The following EIF4B variants were observed in gnomAD, a reference collection of about 807,000 sequenced individuals.
EIF4B encodes eukaryotic translation initiation factor 4B.
In EIF4B, 8 loss-of-function variants were observed where a neutral mutation model predicts 79.3. The ratio of observed to expected loss-of-function variants is 0.10; its 90% CI spans 0.06 to 0.18. The LOEUF is 0.18. Among genes scored for constraint, EIF4B ranks in the 10% least tolerant of loss-of-function variants. EIF4B has a pLI of 1.00. For synonymous variants in EIF4B, 238 were observed against 274.7 expected, an observed-to-expected ratio of 0.87 and a Z score of 1.32; for missense variants, 515 against 792.4, an observed-to-expected ratio of 0.65 and a Z score of 4.20.
chr12:53,034,781 G>C, intron 10 of EIF4B, 72 bp downstream of exon 10: 1 of 1,527,770 alleles, frequency 6.5e-7, no homozygotes, highest in Non-Finnish European at 9.1e-7. Flanking sequence ...ATTATGCAGA[G>C]ACCCTGCAAT....
chr12:53,006,894 C>A (rs1942970894), intron 1 of EIF4B, among the ~76,000 whole-genome samples: 3 of 149,278 alleles, frequency 2.0e-5, no homozygotes. Context: ...CATTAGACTA[C>A]GTCTCCAAGG....
rs756083238 is a variant in EIF4B at position 53,039,612 on chromosome 12, A to T, written c.1683-18A>T. The stretch of plus-strand genomic sequence containing the variant: ...AGTCCTTTCCTAAAGACATGGTTTT[A>T]TGCTTACGTCTCTGCAGGAAAGATG... On this transcript the variant is annotated intron_variant, in intron 13 of 14. Coordinates refer to ENST00000262056, the MANE Select transcript of EIF4B (RefSeq NM_001417.7). 1 of 1,613,422 alleles carries T rather than the reference A, an allele frequency of 6.2e-7. No individual in the cohort carries two copies.
chr12:53,013,564 A>G (rs187386110), intron 1 of EIF4B: 26 of 152,206 alleles, frequency 1.7e-4, no homozygotes, highest in Admixed American at 1.5e-3. Flanking sequence ...AGGTGGGTGG[A>G]TCATTTGGGG....
chr12:53,022,830 CCAAA>C (rs1462398682), intron 6 of EIF4B, among the ~76,000 whole-genome samples: 4 of 152,086 alleles, frequency 2.6e-5, no homozygotes, highest in African/African-American at 7.2e-5. Context: ...GAAAACTTAA[CCAAA>C]CAAAGGGACA....
chr12:53,032,494 G>A (rs904631756), intron 8 of EIF4B, among the ~76,000 whole-genome samples: 22 of 152,008 alleles, frequency 1.4e-4, no homozygotes, highest in African/African-American at 4.6e-4. Context: ...TGCAGATTTC[G>A]GAGCAAGATA....
chr12:53,015,536 A>T (rs1451667203), intron 1 of EIF4B, among the ~76,000 whole-genome samples: 1 of 151,922 alleles, frequency 6.6e-6, no homozygotes, highest in Non-Finnish European at 1.5e-5. Flanking sequence ...TTTAAAAATC[A>T]GCTGGGCGTG....
chr12:53,034,696 C>T lies in EIF4B; in HGVS notation c.1293C>T (p.Thr431=). ...AGTCATCACAAACTGGGACCTCCAC[C>T]ACATCTAGCAGAAGTAAGTCAGACC... is the stretch of plus-strand genomic sequence containing the variant. ...GSESSQTGTS[T]TSSRNARRRE... The change falls in exon 10 of 15, where the codon ACC becomes ACT. Residue 431 remains threonine, a synonymous_variant. Transcript: ENST00000262056. The T allele has an allele frequency of 6.2e-7, 1 of 1,613,988 alleles. No homozygotes were observed. The highest frequency in any genetic ancestry group is 1.1e-5 in the South Asian group (1 of 91,070).
At chr12:53,034,866 A>G (rs1317719770) in intron 10 of EIF4B, 157 bp downstream of exon 10, 1 of 732,914 alleles carries the variant, frequency 1.4e-6, no homozygotes, top group East Asian at 2.7e-5. Flanking sequence ...GCTCCAAAGA[A>G]TCTGAGGAAT....
At chr12:53,010,459 T>C (rs771047621) in intron 1 of EIF4B, among the ~76,000 whole-genome samples, 5 of 152,210 alleles carry the variant, frequency 3.3e-5, no homozygotes, top group Non-Finnish European at 5.9e-5. Flanking sequence ...GGAGCATCTA[T>C]ATAGTGCAGT....
chr12:53,029,894 AAATAAT>A (rs755909329), intron 8 of EIF4B, among the ~76,000 whole-genome samples: 2 of 147,468 alleles, frequency 1.4e-5, no homozygotes, highest in Non-Finnish European at 3.0e-5. Flanking sequence ...TCCTTCCTCA[AAATAAT>A]AATAATAATT....
At chr12:53,021,633 T>C in intron 4 of EIF4B, 173 bp from the exon 5 acceptor site, 2 of 734,520 alleles carry the variant, frequency 2.7e-6, no homozygotes, top group Admixed American at 4.2e-5. Context: ...TGTTTAACTT[T>C]TAAGTCTTTT....
At chr12:53,018,688 T>G in intron 2 of EIF4B, 110 bp from the exon 3 acceptor site, 1 of 1,302,334 alleles carries the variant, frequency 7.7e-7, no homozygotes, top group Non-Finnish European at 1.1e-6. Context: ...TTTGGTCTGG[T>G]TTTCTTGTAT....
chr12:53,030,037 C>G (rs901149746), intron 8 of EIF4B, among the ~76,000 whole-genome samples: 1 of 138,128 alleles, frequency 7.2e-6, no homozygotes, highest in African/African-American at 2.5e-5. Context: ...GCCCTGGCAA[C>G]ATAGTGAGAC....
At chr12:53,008,982 C>T (rs1387569450) in intron 1 of EIF4B, among the ~76,000 whole-genome samples, 5 of 152,070 alleles carry the variant, frequency 3.3e-5, no homozygotes, top group Non-Finnish European at 7.4e-5. Context: ...TTGCAGTGAA[C>T]CGAGATTGTG....
chr12:53,012,817 A>G (rs1215808105), intron 1 of EIF4B, among the ~76,000 whole-genome samples: 1 of 151,880 alleles, frequency 6.6e-6, no homozygotes, highest in Non-Finnish European at 1.5e-5. Context: ...CATGTTAGCC[A>G]GGATGGTCTC....
chr12:53,018,697 A>T (rs181096031), intron 2 of EIF4B, 101 bp from the exon 3 acceptor site: 2 of 1,379,358 alleles, frequency 1.4e-6, no homozygotes, highest in Non-Finnish European at 2.0e-6. Flanking sequence ...GTTTTCTTGT[A>T]TAGCATGTTT....
rs1356353172 is a variant in EIF4B at position 53,040,449 on chromosome 12, C to T, written c.*226C>T. The T allele has an allele frequency of 4.4e-6, 2 of 451,520 alleles. No homozygotes were observed. Among genetic ancestry groups the T allele is most frequent in the Admixed American group, 7.2e-5 (2 of 27,630 alleles). The allele number at this position is 451,520 out of a possible 1,614,324, so 28.0% of individuals were successfully genotyped here. On this transcript the variant is annotated 3_prime_UTR_variant, in exon 15 of 15. Coordinates refer to ENST00000262056, the MANE Select transcript of EIF4B (RefSeq NM_001417.7). ...AATACAGCCAGAGAGAAAGGGACTA[C>T]AGCTTTTTAGAGGAAAAGTTGTGGT...
intron 1 of EIF4B, among the ~76,000 whole-genome samples, chr12:53,007,548 G>A (rs1253210179): frequency 1.3e-5 from 2 of 150,418 alleles, no homozygotes; most frequent in Non-Finnish European, 2.9e-5. Context: ...GAGTATCAGT[G>A]CCTTGCAAGT....
intron 1 of EIF4B, among the ~76,000 whole-genome samples, chr12:53,007,023 G>T (rs997052553): frequency 6.6e-6 from 1 of 152,144 alleles, no homozygotes; most frequent in Non-Finnish European, 1.5e-5. Flanking sequence ...CGCGTGCGCG[G>T]TAGGAGACAC....
Sources: allele counts gnomAD v4.1 joint callset (sites outside exome capture counted in the v4.1 genomes callset), GRCh38; gene constraint gnomAD v4.1.1; transcripts MANE v1.5; gene names NCBI Gene and HGNC (gene_info 2026-07-23, HGNC 2026-07-21).